The following CEL variants were observed in gnomAD, a reference collection of about 807,000 sequenced individuals.
CEL encodes carboxyl ester lipase, also known as bile salt-activated lipase.
CEL carries 39 observed loss-of-function variants against 57.1 expected under a neutral mutation model. The observed-to-expected ratio is 0.68, with a 90% CI of 0.53 to 0.89. CEL has a LOEUF of 0.89. Among genes scored for constraint, CEL ranks in the 40% least tolerant of loss-of-function variants. CEL has a pLI of 0.00. For synonymous variants in CEL, 314 were observed against 396.6 expected, an observed-to-expected ratio of 0.79 and a Z score of 2.48; for missense variants, 698 against 915.0, an observed-to-expected ratio of 0.76 and a Z score of 3.06.
rs780658344 is a variant in CEL, at chr9:133,066,492, A to G, written c.539-38A>G. The G allele has an allele frequency of 2.0e-5, 33 of 1,612,880 alleles. No homozygotes were observed. The highest frequency in any genetic ancestry group is 2.4e-5 in the Non-Finnish European group (28 of 1,179,756). Reference sequence around the variant, plus strand: ...CCCTCCTGGAGGCCAGGCCTGGGCCACTGGTCTCTAGCACCCCCTCCCCTG... The same window carrying G: ...CCCTCCTGGAGGCCAGGCCTGGGCCGCTGGTCTCTAGCACCCCCTCCCCTG... On this transcript the variant is annotated intron_variant, in intron 4 of 10. Coordinates refer to ENST00000372080, the MANE Select transcript of CEL (RefSeq NM_001807.6). The surrounding 1 kb of genome is among the most constrained non-coding windows in gnomAD (Gnocchi z 4.3).
At chr9:133,062,771 G>A (rs1830110989) in intron 1 of CEL, among the ~76,000 whole-genome samples, 2 of 151,528 alleles carry the variant, frequency 1.3e-5, no homozygotes, top group Non-Finnish European at 2.9e-5. Context: ...GTGGAGAGCA[G>A]GCAGACGGGT....
chr9:133,063,937 G>A (rs1830133023), intron 1 of CEL, among the ~76,000 whole-genome samples: 1 of 152,194 alleles, frequency 6.6e-6, no homozygotes, highest in South Asian at 2.1e-4. Context: ...CCCTCAGAAA[G>A]GAGGAAGGTT....
chr9:133,068,669 C>G lies in CEL; in HGVS notation c.896-3C>G. 1 of 1,613,132 alleles carries G rather than the reference C, an allele frequency of 6.2e-7. No individual in the cohort carries two copies. The highest frequency in any genetic ancestry group is 1.3e-5 in the African/African-American group (1 of 74,606). On this transcript the variant is annotated splice_polypyrimidine_tract_variant and splice_region_variant and intron_variant, in intron 7 of 10. Transcript: ENST00000372080. ...CTGCTAACCTGCTGGCTCTCCCACC[C>G]AGACCCCATGCTGCACTATGTGGGC... is the stretch of plus-strand genomic sequence containing the variant.
At position 133,064,662 on chromosome 9, in the gene CEL, C is replaced by A. The variant is rs2119059232; in HGVS notation, c.240C>A (p.Phe80Leu). 2 of 1,614,002 alleles carry A rather than the reference C, an allele frequency of 1.2e-6. No individual in the cohort carries two copies. The highest frequency in any genetic ancestry group is 2.7e-5 in the African/African-American group (2 of 75,040). Residue 80 changes from phenylalanine (F) to leucine (L), a missense_variant, in exon 3 of 11, where the codon TTC (phenylalanine) becomes TTA (leucine). Coordinates refer to ENST00000372080, the MANE Select transcript of CEL (RefSeq NM_001807.6). ...CAGGGACCCTGAAGGCCAAGAACTT[C>A]AAGAAGAGATGCCTGCAGGCCACCA... is the stretch of plus-strand genomic sequence containing the variant. ...GWQGTLKAKN[F>L]KKRCLQATIT...
chr9:133,064,020 T>C (rs1176518503), intron 1 of CEL, among the ~76,000 whole-genome samples: 1 of 152,148 alleles, frequency 6.6e-6, no homozygotes, highest in Non-Finnish European at 1.5e-5. Flanking sequence ...TCCCATGTGA[T>C]GGCAAACAGG....
rs372624029 is a variant in CEL at position 133,066,885 on chromosome 9, G to T, written c.717G>T (p.Gln239His). The T allele has an allele frequency of 6.8e-6, 11 of 1,613,596 alleles. No homozygotes were observed. The highest frequency in any genetic ancestry group is 9.3e-6 in the Non-Finnish European group (11 of 1,179,912). ...GCCTCATCCGGCGAGCCATCAGCCA[G>T]AGCGGCGTGGCCCTGAGTCCCTGGG... ...NKGLIRRAIS[Q>H]SGVALSPWVI... is the part of the protein sequence containing the mutation. Residue 239 changes from glutamine (Q) to histidine (H), a missense_variant, in exon 6 of 11, where the codon CAG becomes CAT. Physicochemically the swap from Gln to His is conservative, Grantham distance 24. Around this residue, in one of 6 missense-constraint regions of CEL, gnomAD observed 327 missense variants for 374.1 expected, o/e 0.87. Coordinates refer to ENST00000372080, the MANE Select transcript of CEL (RefSeq NM_001807.6). This position sits in a 1 kb window ranked among gnomAD's most constrained non-coding sequence, Gnocchi z 4.3.
At position 133,066,919 on chromosome 9, in the gene CEL, A is replaced by G. The variant is rs764545406; in HGVS notation, c.751A>G (p.Lys251Glu). 1.9e-6 allele frequency: 3 copies of G among 1,613,618 alleles called. No individual in the cohort carries two copies. The highest frequency in any genetic ancestry group is 2.7e-5 in the African/African-American group (2 of 74,816). The change falls in exon 6 of 11, where the codon AAA becomes GAA. Residue 251 changes from lysine to glutamate, a missense_variant. By Grantham distance (56) the Lys-to-Glu change is moderately conservative (BLOSUM62 1). Coordinates refer to ENST00000372080, the MANE Select transcript of CEL (RefSeq NM_001807.6). The surrounding 1 kb of genome is among the most constrained non-coding windows in gnomAD (Gnocchi z 4.3). ...GVALSPWVIQKNPLFWAKKVA... is the reference protein window; with the variant it reads ...GVALSPWVIQENPLFWAKKVA... ...GGCCCTGAGTCCCTGGGTCATCCAG[A>G]AAAACCCACTCTTCTGGGCCAAAAA...
At chr9:133,068,517 A>G (rs1395624781) in intron 7 of CEL, among the ~76,000 whole-genome samples, 155 bp from the exon 8 acceptor site, 4 of 151,440 alleles carry the variant, frequency 2.6e-5, no homozygotes, top group Non-Finnish European at 5.9e-5. Flanking sequence ...TACAGGGCAC[A>G]GGATGCCCCT....
In CEL at chr9:133,071,148, T is replaced by C; in HGVS notation, c.1646T>C (p.Leu549Pro). 3.1e-6 allele frequency: 5 copies of C among 1,608,642 alleles called. No homozygotes were observed. Among genetic ancestry groups the C allele is most frequent in the South Asian group, 1.1e-5 (1 of 91,060 alleles). ...LRYWTLTYLA[L>P]PTVTDQEATP... Reference sequence around the variant, plus strand: ...TACTGGACCCTCACCTATCTGGCGCTGCCCACAGTGACCGACCAGGAGGCC... The same window carrying C: ...TACTGGACCCTCACCTATCTGGCGCCGCCCACAGTGACCGACCAGGAGGCC... Residue 549 changes from leucine (L) to proline (P), a missense_variant, in exon 11 of 11, where the codon CTG becomes CCG. Transcript: ENST00000372080.
chr9:133,062,937 C>G, intron 1 of CEL, among the ~76,000 whole-genome samples: 2 of 151,270 alleles, frequency 1.3e-5, no homozygotes, highest in African/African-American at 4.9e-5. Context: ...TCCATAAATT[C>G]TACCCTCTCT....
intron 1 of CEL, among the ~76,000 whole-genome samples, chr9:133,063,897 G>C (rs1830132293): frequency 6.6e-6 from 1 of 152,190 alleles, no homozygotes; most frequent in Non-Finnish European, 1.5e-5. Context: ...CCTGTGCAGG[G>C]AGATGGGAGG....
chr9:133,067,181 A>G lies in CEL; in HGVS notation c.871A>G (p.Lys291Glu). The G allele has an allele frequency of 6.2e-7, 1 of 1,613,790 alleles. No individual in the cohort carries two copies. Among genetic ancestry groups the G allele is most frequent in the Non-Finnish European group, 8.5e-7 (1 of 1,179,922 alleles). ...TDPRALTLAY[K>E]VPLAGLEYPM... ...TCCCCGAGCCCTGACGCTGGCCTATAAGGTGCCGCTGGCAGGCCTGGAGTG... is the reference window on the plus strand; with the variant it reads ...TCCCCGAGCCCTGACGCTGGCCTATGAGGTGCCGCTGGCAGGCCTGGAGTG... The change falls in exon 7 of 11, where the codon AAG (lysine) becomes GAG (glutamate). Residue 291 changes from lysine to glutamate, a missense_variant. Transcript: ENST00000372080.
rs761749481 is a variant in CEL at position 133,064,542 on chromosome 9, C to G, written c.205C>G (p.Pro69Ala). Residue 69 changes from proline to alanine, a missense_variant, in exon 2 of 11, where the codon CCT becomes GCT. This residue lies in a region of CEL where 327 missense variants were observed against 374.1 expected (regional missense o/e 0.87). Transcript: ENST00000372080. The stretch of plus-strand genomic sequence containing the variant: ...GGCCCTGGAAAATCCTCAGCCACAT[C>G]CTGGCTGGCAAGGTGGGAGTGGGTG... ...TKALENPQPH[P>A]GWQGTLKAKN... 4 of 1,614,176 alleles carry G rather than the reference C, an allele frequency of 2.5e-6. No individual in the cohort carries two copies. Among genetic ancestry groups the G allele is most frequent in the Non-Finnish European group, 3.4e-6 (4 of 1,180,012 alleles).
intron 1 of CEL, among the ~76,000 whole-genome samples, 157 bp downstream of exon 1, chr9:133,062,225 A>G (rs1428235348): frequency 1.3e-5 from 2 of 151,868 alleles, no homozygotes; most frequent in African/African-American, 4.9e-5. Flanking sequence ...AGAACACAGG[A>G]TGCCCAATTC....
At chr9:133,065,724 T>A (rs1023409466) in intron 4 of CEL, among the ~76,000 whole-genome samples, 3 of 151,706 alleles carry the variant, frequency 2.0e-5, no homozygotes, top group Admixed American at 1.3e-4. Context: ...CGCTTGCCTG[T>A]AATCCCAGCT....
In CEL at chr9:133,065,025, G is replaced by A. The variant is rs1250066046; in HGVS notation, c.341-15G>A. On this transcript the variant is annotated splice_polypyrimidine_tract_variant and intron_variant, in intron 3 of 10. Coordinates refer to ENST00000372080, the MANE Select transcript of CEL (RefSeq NM_001807.6). Reference sequence around the variant, plus strand: ...GGCGGGGCGTCTGGGGTCACCAGCCGCTCCCCCATCTCAGTCTCCCGGGAC... The same window carrying A: ...GGCGGGGCGTCTGGGGTCACCAGCCACTCCCCCATCTCAGTCTCCCGGGAC... The A allele has an allele frequency of 8.1e-6, 13 of 1,610,078 alleles. No individual in the cohort carries two copies. Among genetic ancestry groups the A allele is most frequent in the African/African-American group, 2.7e-5 (2 of 74,784 alleles).
rs779842315 is a variant in CEL at position 133,067,220 on chromosome 9, G to A, written c.895+15G>A. 5.6e-6 allele frequency: 9 copies of A among 1,611,108 alleles called. No homozygotes were observed. The highest frequency in any genetic ancestry group is 4.4e-5 in the South Asian group (4 of 90,986). On this transcript the variant is annotated intron_variant, in intron 7 of 10. Transcript: ENST00000372080. ...AGGCCTGGAGTGTGAGTAGCTGCTC[G>A]GGTTGGCCCATGGGGTCTCGAGGTG...
rs562193996 is a variant in CEL at position 133,066,594 on chromosome 9, C to T, written c.603C>T (p.Phe201=). The T allele has an allele frequency of 7.4e-5, 120 of 1,613,854 alleles. No homozygotes were observed. The highest frequency in any genetic ancestry group is 1.2e-4 in the African/African-American group (9 of 75,020). ...GGGTGAAGAGGAATATCGCGGCCTTCGGGGGGGACCCCAACAACATCACGC... is the reference window on the plus strand; with the variant it reads ...GGGTGAAGAGGAATATCGCGGCCTTTGGGGGGGACCCCAACAACATCACGC... The part of the protein sequence containing the change: ...IAWVKRNIAA[F]GGDPNNITLF... Residue 201 remains phenylalanine, a synonymous_variant, in exon 5 of 11, where the codon TTC becomes TTT. Transcript: ENST00000372080. This position sits in a 1 kb window ranked among gnomAD's most constrained non-coding sequence, Gnocchi z 4.3.
In CEL at chr9:133,066,486, T is replaced by C; in HGVS notation, c.539-44T>C. 1 of 1,612,814 alleles carries C rather than the reference T, an allele frequency of 6.2e-7. No homozygotes were observed. Among genetic ancestry groups the C allele is most frequent in the Non-Finnish European group, 8.5e-7 (1 of 1,179,704 alleles). ...GATCTCCCCTCCTGGAGGCCAGGCC[T>C]GGGCCACTGGTCTCTAGCACCCCCT... On this transcript the variant is annotated intron_variant, in intron 4 of 10. Coordinates refer to ENST00000372080, the MANE Select transcript of CEL (RefSeq NM_001807.6). This position sits in a 1 kb window ranked among gnomAD's most constrained non-coding sequence, Gnocchi z 4.3.
Sources: gnomAD v4.1 joint callset for allele counts (sites outside exome capture counted in the v4.1 genomes callset) on GRCh38, gnomAD v4.1.1 for gene constraint, gnomAD v4.1.1 regional missense constraint, Gnocchi (gnomAD v3.1) non-coding constraint, MANE v1.5 for transcripts, NCBI Gene and HGNC (gene_info 2026-07-23, HGNC 2026-07-21) for gene names.